The following SFMBT2 variants were observed in gnomAD, a reference collection of about 807,000 sequenced individuals.
SFMBT2 encodes the protein Scm like with four mbt domains 2.
In SFMBT2, 38 loss-of-function variants were observed where a neutral mutation model predicts 110.1. The ratio of observed to expected loss-of-function variants is 0.35; its 90% CI spans 0.27 to 0.45. The LOEUF is 0.45. Among genes scored for constraint, SFMBT2 ranks in the 20% least tolerant of loss-of-function variants. The probability of loss-of-function intolerance (pLI) is 1.00; values close to 1 mark genes in which losing one functional copy is unlikely to be tolerated. For missense variants in SFMBT2, 1,011 were observed against 1,094.9 expected (o/e 0.92, Z 1.08); for synonymous variants, 425 against 425.4 (o/e 1.00, Z 0.01).
At chr10:7,281,635 A>G (rs1223417801) in intron 6 of SFMBT2, among the ~76,000 whole-genome samples, 3 of 152,206 alleles carry the variant, frequency 2.0e-5, no homozygotes, top group Non-Finnish European at 4.4e-5. Context: ...CAGGGGTAGT[A>G]CAGCCTCTCT....
intron 5 of SFMBT2, chr10:7,284,563 A>T (rs1842035720): frequency 1.4e-5 from 5 of 355,362 alleles, no homozygotes; most frequent in Non-Finnish European, 2.0e-5. Flanking sequence ...AATACAGAGC[A>T]TTCAATTTAC....
intron 4 of SFMBT2, among the ~76,000 whole-genome samples, chr10:7,361,497 G>A (rs996662726): frequency 6.6e-6 from 1 of 152,058 alleles, no homozygotes; most frequent in Admixed American, 6.6e-5. Context: ...CTAAAACCAG[G>A]CTTTAAAACT....
At chr10:7,188,224 G>A (rs1463861468) in intron 16 of SFMBT2, among the ~76,000 whole-genome samples, 2 of 152,210 alleles carry the variant, frequency 1.3e-5, no homozygotes, top group African/African-American at 4.8e-5. Context: ...AGAAAAGAGA[G>A]CATTTGCATT....
chr10:7,221,826 G>GTT (rs1749477022), intron 10 of SFMBT2, among the ~76,000 whole-genome samples: 1 of 152,124 alleles, frequency 6.6e-6, no homozygotes, highest in Admixed American at 6.5e-5. Flanking sequence ...GGGTAGGGCT[G>GTT]TGAGACCAGT....
chr10:7,198,245 A>AT (rs539079448), intron 14 of SFMBT2: 1 of 642,736 alleles, frequency 1.6e-6, no homozygotes, highest in Non-Finnish European at 1.9e-6. Context: ...AAGTTCATTC[A>AT]TTTTTTTACT....
At chr10:7,179,765 G>T (rs1398044285) in intron 16 of SFMBT2, among the ~76,000 whole-genome samples, 2 of 152,194 alleles carry the variant, frequency 1.3e-5, no homozygotes, top group Non-Finnish European at 2.9e-5. Context: ...TGAAGGGAGC[G>T]GTTATCTGGG....
At chr10:7,200,375 G>C in intron 14 of SFMBT2, 39 bp downstream of exon 14, 5 of 1,491,110 alleles carry the variant, frequency 3.4e-6, no homozygotes, top group Non-Finnish European at 4.5e-6. Context: ...CGGCTGCACG[G>C]TGGGAAGGCA....
chr10:7,171,387 G>A lies in SFMBT2; in HGVS notation c.2416-331C>T, dbSNP rs1331322564. ...AAAAGAGGAGAAATACAAGGGGCAC[G>A]TCCAAGCAGACACGAGACAGTGTCC... On this transcript the variant is annotated intron_variant, in intron 19 of 20. Coordinates refer to ENST00000397167, the MANE Select transcript of SFMBT2 (RefSeq NM_001387889.1). This position sits in a 1 kb window ranked among gnomAD's most constrained non-coding sequence, Gnocchi z 4.9. The A allele has an allele frequency of 7.1e-6, 7 of 985,274 alleles. No homozygotes were observed. The highest frequency in any genetic ancestry group is 6.0e-6 in the Non-Finnish European group (5 of 829,898). The allele number at this position is 985,274 out of a possible 1,614,324, so 61.0% of individuals were successfully genotyped here. A position where few individuals can be genotyped will look rare whatever the true frequency, so the allele number is the denominator to read the frequency against.
At chr10:7,199,136 GC>G (rs1838871542) in intron 14 of SFMBT2, among the ~76,000 whole-genome samples, 1 of 151,926 alleles carries the variant, frequency 6.6e-6, no homozygotes, top group Non-Finnish European at 1.5e-5. Flanking sequence ...GCACCACCAT[GC>G]CCGGCTAATT....
At chr10:7,286,367 T>C in intron 4 of SFMBT2, 1 of 969,212 alleles carries the variant, frequency 1.0e-6, no homozygotes, top group African/African-American at 1.8e-5. Context: ...TTTATACAGT[T>C]TCAGAAGAAG....
At chr10:7,358,001 T>A (rs1445382520) in intron 4 of SFMBT2, among the ~76,000 whole-genome samples, 2 of 151,960 alleles carry the variant, frequency 1.3e-5, no homozygotes, top group African/African-American at 4.8e-5. Context: ...TGCATGGCCC[T>A]GTGACATCAA....
chr10:7,200,625 G>A, intron 13 of SFMBT2, 141 bp from the exon 14 acceptor site: 1 of 581,514 alleles, frequency 1.7e-6, no homozygotes. Flanking sequence ...GTGTATGGGA[G>A]CAATGCCAGT....
chr10:7,219,409 T>C (rs1031210087), intron 11 of SFMBT2, among the ~76,000 whole-genome samples: 5 of 152,266 alleles, frequency 3.3e-5, no homozygotes. Flanking sequence ...AACACAATGA[T>C]GTCAGCCACA....
chr10:7,160,470 T>C lies in SFMBT2; in HGVS notation c.*3300A>G, dbSNP rs1837521990. 1 of 152,122 alleles carries C rather than the reference T, an allele frequency of 6.6e-6. No homozygotes were observed. The highest frequency in any genetic ancestry group is 1.5e-5 in the Non-Finnish European group (1 of 68,030). The allele number at this position is 152,122 out of a possible 1,614,324, so 9.4% of individuals were successfully genotyped here. ...CAGACTGCAGAGTCTCCCGGGCCAG[T>C]TCCAATAAGTTCCAAGTGGCATGAT... On this transcript the variant is annotated 3_prime_UTR_variant, in exon 21 of 21. Coordinates refer to ENST00000397167, the MANE Select transcript of SFMBT2 (RefSeq NM_001387889.1).
chr10:7,248,068 A>G (rs1260839002), intron 8 of SFMBT2, among the ~76,000 whole-genome samples: 1 of 152,210 alleles, frequency 6.6e-6, no homozygotes, highest in Non-Finnish European at 1.5e-5. Flanking sequence ...TCTTTATGTT[A>G]AAAGGTAATT....
intron 11 of SFMBT2, among the ~76,000 whole-genome samples, chr10:7,217,123 G>T (rs756097442): frequency 2.6e-5 from 4 of 152,212 alleles, no homozygotes; most frequent in Non-Finnish European, 4.4e-5. Flanking sequence ...GGTACTTGAA[G>T]TCATCAACTT....
At chr10:7,406,801 C>T (rs927164023) in intron 1 of SFMBT2, among the ~76,000 whole-genome samples, 1 of 152,176 alleles carries the variant, frequency 6.6e-6, no homozygotes, top group Non-Finnish European at 1.5e-5. Flanking sequence ...AAATGGGAAA[C>T]AGTTCCCACC....
At chr10:7,252,351 A>G (rs1840837691) in intron 7 of SFMBT2, among the ~76,000 whole-genome samples, 1 of 152,170 alleles carries the variant, frequency 6.6e-6, no homozygotes, top group South Asian at 2.1e-4. Context: ...TCCCTGAGAT[A>G]ACCCTATCCA....
intron 15 of SFMBT2, among the ~76,000 whole-genome samples, chr10:7,196,810 G>A (rs927643773): frequency 3.3e-5 from 5 of 152,152 alleles, no homozygotes; most frequent in Non-Finnish European, 5.9e-5. Context: ...ATAGAGTTCC[G>A]GGAAGAGTTT....
Sources: gnomAD v4.1 joint callset for allele counts (sites outside exome capture counted in the v4.1 genomes callset) on GRCh38, gnomAD v4.1.1 for gene constraint, Gnocchi (gnomAD v3.1) non-coding constraint, MANE v1.5 for transcripts, NCBI Gene and HGNC (gene_info 2026-07-23, HGNC 2026-07-21) for gene names.